The following PCDH9 variants were observed in gnomAD, a reference collection of about 807,000 sequenced individuals.
The protein encoded by PCDH9 is protocadherin-9.
A neutral mutation model predicts 70.6 loss-of-function variants in PCDH9; 24 were observed. That is an observed-to-expected ratio of 0.34 (90% CI 0.25 to 0.48). The LOEUF is 0.48. PCDH9 is among the 20% of genes least tolerant of loss of function. The pLI, the probability that PCDH9 is intolerant of heterozygous loss-of-function variation, is 0.99. For synonymous variants in PCDH9, 562 were observed against 558.5 expected, an observed-to-expected ratio of 1.01 and a Z score of -0.09; for missense variants, 1,281 against 1,503.6, an observed-to-expected ratio of 0.85 and a Z score of 2.45.
intron 2 of PCDH9, among the ~76,000 whole-genome samples, chr13:67,083,826 A>G (rs1455780579): frequency 6.6e-6 from 1 of 152,130 alleles, no homozygotes; most frequent in African/African-American, 2.4e-5. Flanking sequence ...TCCTGGGAAC[A>G]CTCATTTTGA....
At chr13:66,506,781 C>T (rs149775446) in intron 4 of PCDH9, among the ~76,000 whole-genome samples, 2 of 152,160 alleles carry the variant, frequency 1.3e-5, no homozygotes, top group South Asian at 2.1e-4. Context: ...TAGGTTTAGA[C>T]GCTCACATAA....
intron 2 of PCDH9, among the ~76,000 whole-genome samples, chr13:66,958,835 G>A (rs2083302095): frequency 6.6e-6 from 1 of 152,046 alleles, no homozygotes; most frequent in Non-Finnish European, 1.5e-5. Context: ...AGAGGAGGTG[G>A]TTCTCTCTGC....
At chr13:66,709,716 G>A (rs1315649958) in intron 3 of PCDH9, among the ~76,000 whole-genome samples, 1 of 152,104 alleles carries the variant, frequency 6.6e-6, no homozygotes, top group African/African-American at 2.4e-5. Flanking sequence ...GGAATCATAT[G>A]CTAAAAATCA....
At chr13:67,038,827 C>A (rs1476311838) in intron 2 of PCDH9, among the ~76,000 whole-genome samples, 1 of 152,098 alleles carries the variant, frequency 6.6e-6, no homozygotes, top group African/African-American at 2.4e-5. Context: ...GTTCCCGACA[C>A]AGGGCTCCTA....
intron 2 of PCDH9, among the ~76,000 whole-genome samples, chr13:67,014,749 T>C (rs1000944925): frequency 5.9e-5 from 9 of 152,148 alleles, no homozygotes; most frequent in Admixed American, 5.2e-4. Context: ...ACCCCTCCTA[T>C]GATCTTATTC....
chr13:66,482,182 A>G (rs1476319912), intron 4 of PCDH9, among the ~76,000 whole-genome samples: 5 of 152,216 alleles, frequency 3.3e-5, no homozygotes, highest in Non-Finnish European at 4.4e-5. Context: ...ATTCCACATA[A>G]CAAGATAGCT....
chr13:66,890,118 T>C (rs898416232), intron 3 of PCDH9, among the ~76,000 whole-genome samples: 25 of 152,144 alleles, frequency 1.6e-4, no homozygotes, highest in Non-Finnish European at 2.6e-4. Context: ...TAAATTATCA[T>C]GTCACTAATG....
intron 4 of PCDH9, among the ~76,000 whole-genome samples, chr13:66,401,985 T>C (rs1243111548): frequency 6.6e-6 from 1 of 152,228 alleles, no homozygotes; most frequent in Non-Finnish European, 1.5e-5. Context: ...TTGATATTCA[T>C]TATCCAAGCT....
intron 2 of PCDH9, among the ~76,000 whole-genome samples, chr13:67,044,830 T>C (rs2085191744): frequency 6.6e-6 from 1 of 151,906 alleles, no homozygotes. Flanking sequence ...ATGAATGAAA[T>C]GGGAAGGAGT....
intron 2 of PCDH9, among the ~76,000 whole-genome samples, chr13:67,142,589 C>G: frequency 6.6e-6 from 1 of 151,878 alleles, no homozygotes. Context: ...CAAAGACAAC[C>G]TTTGAGAGTG....
At chr13:66,643,454 T>C (rs1593827776) in intron 3 of PCDH9, among the ~76,000 whole-genome samples, 2 of 152,064 alleles carry the variant, frequency 1.3e-5, no homozygotes, top group Non-Finnish European at 2.9e-5. Context: ...AGCCTGATAT[T>C]TGAAACAAAA....
chr13:66,353,438 A>G (rs1451214399), intron 4 of PCDH9, among the ~76,000 whole-genome samples: 1 of 152,168 alleles, frequency 6.6e-6, no homozygotes, highest in Non-Finnish European at 1.5e-5. Flanking sequence ...GATGTTAAAA[A>G]TAAAACAGGA....
intron 2 of PCDH9, chr13:67,201,845 C>T (rs1055226457): frequency 2.0e-5 from 3 of 151,964 alleles, no homozygotes; most frequent in Admixed American, 2.0e-4. Flanking sequence ...ATTTAATATA[C>T]TGTACTGTAA....
chr13:67,175,446 T>A (rs780525555), intron 2 of PCDH9, among the ~76,000 whole-genome samples: 4 of 152,170 alleles, frequency 2.6e-5, no homozygotes, highest in Non-Finnish European at 5.9e-5. Flanking sequence ...AAGCAGGGCC[T>A]GGAACAAACA....
intron 4 of PCDH9, among the ~76,000 whole-genome samples, chr13:66,524,427 TA>T (rs1960129150): frequency 6.6e-6 from 1 of 152,044 alleles, no homozygotes; most frequent in African/African-American, 2.4e-5. Context: ...TAATATTGTG[TA>T]CTGAAATTTT....
intron 4 of PCDH9, among the ~76,000 whole-genome samples, chr13:66,319,393 T>TTA (rs1955711597): frequency 6.6e-6 from 1 of 150,816 alleles, no homozygotes; most frequent in African/African-American, 2.5e-5. Flanking sequence ...CAATGGCAGA[T>TTA]GAATTTGACT....
intron 4 of PCDH9, among the ~76,000 whole-genome samples, chr13:66,440,908 C>A (rs143612108): frequency 6.6e-6 from 1 of 152,042 alleles, no homozygotes; most frequent in Admixed American, 6.6e-5. Context: ...TATGGCTTCA[C>A]GGAAACACAC....
At chr13:66,488,864 AT>A (rs1330482867) in intron 4 of PCDH9, among the ~76,000 whole-genome samples, 1 of 152,184 alleles carries the variant, frequency 6.6e-6, no homozygotes, top group African/African-American at 2.4e-5. Context: ...ATAAAAATGC[AT>A]TTCAGATGGA....
At chr13:66,940,770 C>CA (rs1416106267) in intron 2 of PCDH9, among the ~76,000 whole-genome samples, 1 of 136,104 alleles carries the variant, frequency 7.3e-6, no homozygotes, top group Non-Finnish European at 1.6e-5. Context: ...GTAAAAATGT[C>CA]AAAAAAGAGG....
Sources: allele counts gnomAD v4.1 joint callset (sites outside exome capture counted in the v4.1 genomes callset), GRCh38; gene constraint gnomAD v4.1.1; transcripts MANE v1.5; gene names NCBI Gene and HGNC (gene_info 2026-07-23, HGNC 2026-07-21).